Variants in NAA11 observed in about 807,000 individuals in gnomAD.
NAA11 encodes the protein N-alpha-acetyltransferase 11, NatA catalytic subunit.
A neutral mutation model predicts 16.1 loss-of-function variants in NAA11; 15 were observed. That is an observed-to-expected ratio of 0.93 (90% CI 0.62 to 1.44). NAA11 has a LOEUF of 1.44. Among genes scored for constraint, NAA11 ranks in the 40% most tolerant of loss-of-function variants. The pLI, the probability that NAA11 is intolerant of heterozygous loss-of-function variation, is 0.00. For missense variants in NAA11, 298 were observed against 291.3 expected, an observed-to-expected ratio of 1.02 and a Z score of -0.17; for synonymous variants, 122 against 112.4, an observed-to-expected ratio of 1.09 and a Z score of -0.54.
chr4:79,275,469 C>T (rs1722626844), intron 2 of NAA11, among the ~76,000 whole-genome samples: 1 of 151,948 alleles, frequency 6.6e-6, no homozygotes, highest in Non-Finnish European at 1.5e-5. Context: ...AACTATAGTC[C>T]ACCAGACCTA....
At chr4:79,167,837 A>G in the NAA11 span, among the ~76,000 whole-genome samples, 1 of 152,022 alleles carries the variant, frequency 6.6e-6, no homozygotes, top group Non-Finnish European at 1.5e-5. Context: ...GAGATGGGGA[A>G]GTGCTACACA....
chr4:79,281,274 GA>G (rs879640162), intron 2 of NAA11, among the ~76,000 whole-genome samples: 2,096 of 135,698 alleles, frequency 0.015, 39 homozygotes, highest in African/African-American at 0.046. Flanking sequence ...GCAGATGGAG[GA>G]AAAAAAAAAA....
chr4:79,171,430 C>A, the NAA11 span, among the ~76,000 whole-genome samples: 1 of 152,102 alleles, frequency 6.6e-6, no homozygotes, highest in Non-Finnish European at 1.5e-5. Flanking sequence ...GACTTCCCAG[C>A]CTCCAGAGCT....
At chr4:79,323,592 G>A (rs1021976090) in intron 1 of NAA11, among the ~76,000 whole-genome samples, 7 of 152,030 alleles carry the variant, frequency 4.6e-5, no homozygotes, top group Admixed American at 1.3e-4. Flanking sequence ...AGGCCGAGGC[G>A]GACGCATCAC....
chr4:79,290,554 C>A (rs1231158555), intron 2 of NAA11, among the ~76,000 whole-genome samples: 1 of 152,102 alleles, frequency 6.6e-6, no homozygotes, highest in Non-Finnish European at 1.5e-5. Context: ...TTCTTCTTGG[C>A]AGATTTAAAT....
chr4:79,317,915 T>C (rs1200564051), intron 1 of NAA11, 124 bp from the exon 2 acceptor site: 1 of 152,150 alleles, frequency 6.6e-6, no homozygotes, highest in Non-Finnish European at 1.5e-5. Context: ...AGTAACTAGT[T>C]TGGACTAGAT....
chr4:79,230,571 A>T (rs529709144), intron 2 of NAA11, among the ~76,000 whole-genome samples: 7 of 152,152 alleles, frequency 4.6e-5, no homozygotes, highest in Admixed American at 6.6e-5. Context: ...CTTATGAAAG[A>T]TAGCTAAAAA....
chr4:79,163,126 C>T, the NAA11 span, among the ~76,000 whole-genome samples: 1 of 152,084 alleles, frequency 6.6e-6, no homozygotes. Flanking sequence ...CTGTGTTGCC[C>T]AAATTCAGGA....
chr4:79,237,365 T>C (rs1341848238), intron 2 of NAA11, among the ~76,000 whole-genome samples: 1 of 152,296 alleles, frequency 6.6e-6, no homozygotes, highest in African/African-American at 2.4e-5. Context: ...AAGACACAGA[T>C]GTTGGAATTT....
intron 2 of NAA11, among the ~76,000 whole-genome samples, chr4:79,240,709 A>G (rs1052926644): frequency 3.3e-5 from 5 of 152,142 alleles, no homozygotes; most frequent in African/African-American, 1.2e-4. Flanking sequence ...CAAAAGAAAA[A>G]GAAGTTACTT....
chr4:79,309,519 A>G (rs1266136352), intron 1 of NAA11, among the ~76,000 whole-genome samples: 1 of 152,028 alleles, frequency 6.6e-6, no homozygotes, highest in African/African-American at 2.4e-5. Context: ...TGTGTTCTCT[A>G]TTTACCTGTG....
intron 2 of NAA11, among the ~76,000 whole-genome samples, chr4:79,252,343 C>T (rs1722015577): frequency 6.6e-6 from 1 of 151,994 alleles, no homozygotes; most frequent in Non-Finnish European, 1.5e-5. Flanking sequence ...TTTTTTTAAA[C>T]CCCACTCATT....
At chr4:79,184,434 A>G in the NAA11 span, among the ~76,000 whole-genome samples, 1 of 152,186 alleles carries the variant, frequency 6.6e-6, no homozygotes, top group African/African-American at 2.4e-5. Context: ...TAAAAGGGCA[A>G]TTTTCTCCAT....
At chr4:79,170,848 G>A in the NAA11 span, among the ~76,000 whole-genome samples, 9 of 151,722 alleles carry the variant, frequency 5.9e-5, no homozygotes, top group African/African-American at 1.7e-4. Context: ...CACTTGTTTT[G>A]TGTAAATACA....
At chr4:79,244,638 C>CCCCCCCCCCCCCCCCCCCCTCT (rs60096999) in intron 2 of NAA11, 1 of 44,334 alleles carries the variant, frequency 2.3e-5, no homozygotes, top group Non-Finnish European at 5.2e-5. Flanking sequence ...CCCTCCCCCT[C>CCCCCCCCCCCCCCCCCCCCTCT]CCCGTCTCCG....
At chr4:79,285,502 T>C (rs1017439453) in intron 2 of NAA11, among the ~76,000 whole-genome samples, 3 of 152,118 alleles carry the variant, frequency 2.0e-5, no homozygotes, top group Admixed American at 6.5e-5. Flanking sequence ...ACTTCTGAAA[T>C]TCAATTGCAA....
chr4:79,278,848 T>C (rs565008764), intron 2 of NAA11, among the ~76,000 whole-genome samples: 9 of 152,258 alleles, frequency 5.9e-5, no homozygotes, highest in African/African-American at 2.2e-4. Flanking sequence ...ACAGACTTGA[T>C]AATTTATAAA....
the NAA11 span, among the ~76,000 whole-genome samples, chr4:79,200,316 TGG>T: frequency 6.6e-6 from 1 of 151,866 alleles, no homozygotes; most frequent in Non-Finnish European, 1.5e-5. Context: ...TGTTATTTGC[TGG>T]GCCTTGGGGG....
intron 1 of NAA11, among the ~76,000 whole-genome samples, chr4:79,296,747 T>C (rs968243777): frequency 6.6e-6 from 1 of 152,214 alleles, no homozygotes; most frequent in East Asian, 1.9e-4. Context: ...GAAGCCAGTA[T>C]GCCAAATTCT....
Sources: allele counts gnomAD v4.1 joint callset (sites outside exome capture counted in the v4.1 genomes callset), GRCh38; gene constraint gnomAD v4.1.1; transcripts MANE v1.5; gene names NCBI Gene and HGNC (gene_info 2026-07-23, HGNC 2026-07-21).